MCTP2: variants seen among roughly 807,000 people sequenced by gnomAD.
MCTP2 encodes the protein multiple C2 and transmembrane domain containing 2.
A neutral mutation model predicts 111.6 loss-of-function variants in MCTP2; 132 were observed. The observed-to-expected ratio is 1.18, with a 90% CI of 1.03 to 1.37. The LOEUF (loss-of-function observed/expected upper bound fraction) is 1.37. MCTP2 is among the 40% of genes most tolerant of loss of function. The pLI is 0.00. For missense variants in MCTP2, 1,183 were observed against 1,067.9 expected (o/e 1.11, Z -1.50); for synonymous variants, 395 against 387.7 (o/e 1.02, Z -0.22).
chr15:94,298,782 TTCCCTCTCTTTC>T (rs749698080), intron 2 of MCTP2, 52 bp downstream of exon 2: 58 of 1,094,736 alleles, frequency 5.3e-5, no homozygotes, highest in Non-Finnish European at 1.0e-5. Context: ...CTCTCTCTCT[TTCCCTCTCTTTC>T]TCCCTCTCTC....
chr15:94,244,531 T>G (rs967981003), intron 1 of MCTP2, among the ~76,000 whole-genome samples: 1 of 146,544 alleles, frequency 6.8e-6, no homozygotes, highest in Non-Finnish European at 1.5e-5. Context: ...TATATTCGTA[T>G]ATGTATACAC....
intron 1 of MCTP2, among the ~76,000 whole-genome samples, chr15:94,293,302 CTG>C (rs2075112844): frequency 2.0e-5 from 3 of 152,240 alleles, no homozygotes; most frequent in South Asian, 2.1e-4. Flanking sequence ...TTTGTGAACT[CTG>C]TGTTCAACAA....
chr15:94,302,700 G>A (rs2075680791), intron 2 of MCTP2, among the ~76,000 whole-genome samples: 1 of 152,178 alleles, frequency 6.6e-6, no homozygotes, highest in East Asian at 1.9e-4. Context: ...TTTCTTGGCA[G>A]TATCACCATT....
intron 1 of MCTP2, among the ~76,000 whole-genome samples, chr15:94,275,993 T>C (rs569346645): frequency 6.6e-4 from 101 of 151,998 alleles, no homozygotes; most frequent in Non-Finnish European, 1.1e-3. Flanking sequence ...GGACAGGCAC[T>C]TGCCACCATG....
intron 10 of MCTP2, among the ~76,000 whole-genome samples, chr15:94,362,705 C>G (rs2079001266): frequency 6.6e-6 from 1 of 152,194 alleles, no homozygotes; most frequent in South Asian, 2.1e-4. Flanking sequence ...GAGTTAAAAG[C>G]TGACCAGTCT....
At chr15:94,417,289 C>T (rs947114163) in intron 17 of MCTP2, among the ~76,000 whole-genome samples, 4 of 152,042 alleles carry the variant, frequency 2.6e-5, no homozygotes, top group African/African-American at 9.7e-5. Flanking sequence ...TCTATTTATG[C>T]CATCAAATTT....
At chr15:94,312,333 C>T (rs1245130265) in intron 2 of MCTP2, among the ~76,000 whole-genome samples, 2 of 152,190 alleles carry the variant, frequency 1.3e-5, no homozygotes, top group Non-Finnish European at 2.9e-5. Flanking sequence ...ATAAAGTGGA[C>T]TTCAGAGAGT....
At chr15:94,292,303 C>A (rs1030306324) in intron 1 of MCTP2, among the ~76,000 whole-genome samples, 3 of 151,714 alleles carry the variant, frequency 2.0e-5, no homozygotes, top group Non-Finnish European at 4.4e-5. Context: ...AAGTCTTAGT[C>A]CAATAAGGCA....
chr15:94,282,570 T>C (rs1049930818), intron 1 of MCTP2, among the ~76,000 whole-genome samples: 8 of 152,224 alleles, frequency 5.3e-5, no homozygotes, highest in Non-Finnish European at 1.5e-5. Flanking sequence ...TTAAGCATCA[T>C]TGCTGGAGAG....
chr15:94,313,280 A>T (rs2076230438), intron 2 of MCTP2, among the ~76,000 whole-genome samples: 1 of 152,188 alleles, frequency 6.6e-6, no homozygotes, highest in South Asian at 2.1e-4. Flanking sequence ...CCAGAAACAG[A>T]TAAAATCTCC....
At chr15:94,435,278 A>C (rs1299127316) in intron 17 of MCTP2, among the ~76,000 whole-genome samples, 1 of 151,752 alleles carries the variant, frequency 6.6e-6, no homozygotes, top group East Asian at 1.9e-4. Flanking sequence ...CAAATCTTCC[A>C]CTCCATGAAC....
At chr15:94,278,718 C>T (rs1227654004) in intron 1 of MCTP2, among the ~76,000 whole-genome samples, 8 of 151,108 alleles carry the variant, frequency 5.3e-5, no homozygotes. Flanking sequence ...TTTTGAAAAT[C>T]CCTCTCTCCC....
intron 2 of MCTP2, among the ~76,000 whole-genome samples, chr15:94,310,242 A>G (rs1036551458): frequency 6.6e-6 from 1 of 152,196 alleles, no homozygotes; most frequent in African/African-American, 2.4e-5. Flanking sequence ...TTCCAATGAT[A>G]TGATATTCTA....
chr15:94,435,077 C>T (rs1363600801), intron 17 of MCTP2, among the ~76,000 whole-genome samples: 1 of 152,092 alleles, frequency 6.6e-6, no homozygotes, highest in African/African-American at 2.4e-5. Context: ...TTGGCCAAGG[C>T]TGGTCCCAAA....
chr15:94,345,137 A>G lies in MCTP2; in HGVS notation c.978A>G (p.Ser326=). ...CGGACACAAATCTTTAGCGTTGGTC[A>G]AATCGGAAGCGATTAAGTGCCAGCA... is the stretch of plus-strand genomic sequence containing the variant. The part of the protein sequence containing the change: ...KQGDFKRHRW[S]NRKRLSASKS... Residue 326 remains serine (S), a synonymous_variant, in exon 8 of 23, where the codon TCA becomes TCG. Coordinates refer to ENST00000357742, the MANE Select transcript of MCTP2 (RefSeq NM_001385001.1). 1 of 1,612,794 alleles carries G rather than the reference A, an allele frequency of 6.2e-7. No homozygotes were observed. The highest frequency in any genetic ancestry group is 2.2e-5 in the East Asian group (1 of 44,790).
intron 21 of MCTP2, among the ~76,000 whole-genome samples, chr15:94,474,742 G>A (rs753335489): frequency 2.6e-5 from 4 of 152,108 alleles, no homozygotes; most frequent in Admixed American, 6.6e-5. Context: ...GTTGACAGTC[G>A]GTCTCACAGA....
At chr15:94,300,908 T>A (rs913908520) in intron 2 of MCTP2, among the ~76,000 whole-genome samples, 2 of 152,090 alleles carry the variant, frequency 1.3e-5, no homozygotes, top group South Asian at 4.1e-4. Flanking sequence ...CTACCTGGAT[T>A]GGAGGCACTG....
chr15:94,256,694 A>C (rs1396836982), intron 1 of MCTP2, among the ~76,000 whole-genome samples: 1 of 152,204 alleles, frequency 6.6e-6, no homozygotes, highest in Middle Eastern at 3.2e-3. Context: ...CAACTTGCCC[A>C]TGTTCCTCTT....
chr15:94,399,544 A>C (rs2081451845), intron 15 of MCTP2: 1 of 178,566 alleles, frequency 5.6e-6, no homozygotes, highest in Non-Finnish European at 1.2e-5. Flanking sequence ...CATAAACTGG[A>C]AATTGTTATT....
Sources: gnomAD v4.1 joint callset for allele counts (sites outside exome capture counted in the v4.1 genomes callset) on GRCh38, gnomAD v4.1.1 for gene constraint, MANE v1.5 for transcripts, NCBI Gene and HGNC (gene_info 2026-07-23, HGNC 2026-07-21) for gene names.